Variants in SCGN observed in about 807,000 individuals in gnomAD.
The protein encoded by SCGN is secretagogin.
In SCGN, 30 loss-of-function variants were observed where a neutral mutation model predicts 39.7. The observed-to-expected ratio is 0.76, with a 90% CI of 0.57 to 1.03. The LOEUF (loss-of-function observed/expected upper bound fraction) is 1.03. Ranked by LOEUF, SCGN falls within the 50% of genes least tolerant of loss-of-function variation. SCGN has a pLI of 0.00. For synonymous variants in SCGN, 106 were observed against 114.1 expected (o/e 0.93, Z 0.45); for missense variants, 353 against 349.4 (o/e 1.01, Z -0.08).
In SCGN at chr6:25,701,255, C is replaced by T. The variant is rs573815729; in HGVS notation, c.751C>T (p.Arg251Cys). 5.6e-6 allele frequency: 9 copies of T among 1,613,482 alleles called. No individual in the cohort carries two copies. The highest frequency in any genetic ancestry group is 4.4e-5 in the South Asian group (4 of 90,928). Residue 251 changes from arginine to cysteine, a missense_variant, in exon 11 of 11, where the codon CGT (arginine) becomes TGT (cysteine). Transcript: ENST00000377961. ...TGATAAGTTCCGCGAGATTCTCCTG[C>T]GTCACTGCGACGTGAACAAGGATGG... ...DLDKFREILL[R>C]HCDVNKDGKI...
In SCGN at chr6:25,664,967, G is replaced by A; in HGVS notation, c.271G>A (p.Asp91Asn). 6.2e-7 allele frequency: 1 copy of A among 1,613,948 alleles called. No individual in the cohort carries two copies. Among genetic ancestry groups the A allele is most frequent in the Non-Finnish European group, 8.5e-7 (1 of 1,179,878 alleles). Reference sequence around the variant, plus strand: ...GCTTGCTGGTATGTTCTTATCTGAGGATGAAAACTTTCTTCTGCTCTTTCG... The same window carrying A: ...GCTTGCTGGTATGTTCTTATCTGAGAATGAAAACTTTCTTCTGCTCTTTCG... ...KELAGMFLSE[D>N]ENFLLLFRRE... Residue 91 changes from aspartate (D) to asparagine (N), a missense_variant, in exon 4 of 11, where the codon GAT (aspartate) becomes AAT (asparagine). By Grantham distance (23) the Asp-to-Asn change is conservative. Coordinates refer to ENST00000377961, the MANE Select transcript of SCGN (RefSeq NM_006998.4).
At chr6:25,653,331 C>T in intron 1 of SCGN, 51 bp from the exon 2 acceptor site, 1 of 1,167,204 alleles carries the variant, frequency 8.6e-7, no homozygotes. Context: ...TAAATACTGT[C>T]ATGTGTTTTT....
At chr6:25,698,066 C>A (rs1030937537) in intron 10 of SCGN, among the ~76,000 whole-genome samples, 1 of 152,174 alleles carries the variant, frequency 6.6e-6, no homozygotes, top group Non-Finnish European at 1.5e-5. Flanking sequence ...TTATATTAGT[C>A]ACTTGTTATA....
intron 7 of SCGN, 96 bp downstream of exon 7, chr6:25,682,102 C>T (rs1043890823): frequency 2.3e-6 from 2 of 879,572 alleles, no homozygotes; most frequent in Non-Finnish European, 3.7e-6. Context: ...GATCAAGCCT[C>T]ACCTGGAGTC....
intron 2 of SCGN, among the ~76,000 whole-genome samples, chr6:25,658,455 A>G (rs1001433841): frequency 2.0e-5 from 3 of 151,948 alleles, no homozygotes; most frequent in African/African-American, 7.3e-5. Context: ...TATTTTAATC[A>G]TTTTGGGTTT....
rs1019273757 is a variant in SCGN, at chr6:25,658,577, T to G, written c.154-2975T>G. On this transcript the variant is annotated intron_variant, in intron 2 of 10. Coordinates refer to ENST00000377961, the MANE Select transcript of SCGN (RefSeq NM_006998.4). ...AATCACAAATGCTACTGGTTTGGGTTTATAATTTTAAAGAATAGCTATACA... is the reference window on the plus strand; with the variant it reads ...AATCACAAATGCTACTGGTTTGGGTGTATAATTTTAAAGAATAGCTATACA... 3.7e-4 allele frequency among the ~76,000 whole-genome samples: 56 copies of G among 152,316 alleles called. 1 individual carries two copies. The highest frequency in any genetic ancestry group is 1.3e-3 in the African/African-American group (52 of 41,578).
At chr6:25,673,479 G>C (rs751666406) in intron 6 of SCGN, among the ~76,000 whole-genome samples, 1 of 152,166 alleles carries the variant, frequency 6.6e-6, no homozygotes, top group Non-Finnish European at 1.5e-5. Flanking sequence ...CTTACAATGG[G>C]ATGTCCTGAG....
chr6:25,664,094 G>C (rs184915370), intron 3 of SCGN, among the ~76,000 whole-genome samples: 1 of 152,256 alleles, frequency 6.6e-6, no homozygotes, highest in Admixed American at 6.5e-5. Flanking sequence ...AACTACATAG[G>C]GGAATAAGGT....
At chr6:25,688,567 C>A (rs1465068039) in intron 7 of SCGN, among the ~76,000 whole-genome samples, 2 of 152,062 alleles carry the variant, frequency 1.3e-5, no homozygotes, top group East Asian at 3.9e-4. Flanking sequence ...TTTGGGAGGC[C>A]GAGCCCGGCG....
At chr6:25,654,416 C>A (rs1444002331) in intron 2 of SCGN, among the ~76,000 whole-genome samples, 1 of 152,162 alleles carries the variant, frequency 6.6e-6, no homozygotes, top group East Asian at 1.9e-4. Flanking sequence ...CTTCTGTCTG[C>A]CTCTCATATT....
chr6:25,666,341 G>A (rs1760424984), intron 4 of SCGN, among the ~76,000 whole-genome samples: 1 of 152,006 alleles, frequency 6.6e-6, no homozygotes, highest in South Asian at 2.1e-4. Context: ...AGTGACAAGA[G>A]GGAAACTCGG....
chr6:25,678,542 C>A (rs1759594340), intron 6 of SCGN, among the ~76,000 whole-genome samples: 1 of 152,146 alleles, frequency 6.6e-6, no homozygotes, highest in Non-Finnish European at 1.5e-5. Flanking sequence ...TGATCCTGTG[C>A]AAGTCACCAC....
intron 2 of SCGN, among the ~76,000 whole-genome samples, chr6:25,653,946 A>G (rs1229609321): frequency 2.0e-5 from 3 of 152,238 alleles, no homozygotes; most frequent in African/African-American, 7.2e-5. Context: ...ACAAACCAGA[A>G]AACAACCAGC....
At chr6:25,680,172 A>C (rs1176705845) in intron 6 of SCGN, among the ~76,000 whole-genome samples, 1 of 152,246 alleles carries the variant, frequency 6.6e-6, no homozygotes, top group Non-Finnish European at 1.5e-5. Flanking sequence ...TGTCTCAAAC[A>C]AATATGCCAA....
intron 2 of SCGN, among the ~76,000 whole-genome samples, chr6:25,658,003 C>CTTT (rs759915721): frequency 2.0e-4 from 14 of 70,376 alleles, no homozygotes; most frequent in Non-Finnish European, 3.3e-4. Flanking sequence ...GAAAGGTATC[C>CTTT]TTTTTTTTTT....
intron 7 of SCGN, among the ~76,000 whole-genome samples, chr6:25,687,749 T>C (rs911756815): frequency 1.6e-4 from 24 of 152,170 alleles, no homozygotes; most frequent in African/African-American, 5.8e-4. Flanking sequence ...CTCTTTGTCT[T>C]AAGCTTTTTT....
intron 4 of SCGN, among the ~76,000 whole-genome samples, chr6:25,667,171 T>C (rs1760437818): frequency 6.6e-6 from 1 of 152,160 alleles, no homozygotes; most frequent in South Asian, 2.1e-4. Flanking sequence ...ATCATGAATA[T>C]AGAAAAATAG....
intron 6 of SCGN, among the ~76,000 whole-genome samples, chr6:25,674,475 A>G (rs1759540323): frequency 6.6e-6 from 1 of 152,200 alleles, no homozygotes; most frequent in South Asian, 2.1e-4. Flanking sequence ...TTAGAAAATG[A>G]CTTCTGCATC....
chr6:25,694,617 T>C (rs1349634941), intron 10 of SCGN, among the ~76,000 whole-genome samples: 1 of 152,248 alleles, frequency 6.6e-6, no homozygotes, highest in Non-Finnish European at 1.5e-5. Flanking sequence ...AAGGAATTTA[T>C]TGGGATTCTC....
Sources: gnomAD v4.1 joint callset for allele counts (sites outside exome capture counted in the v4.1 genomes callset) on GRCh38, gnomAD v4.1.1 for gene constraint, MANE v1.5 for transcripts, NCBI Gene and HGNC (gene_info 2026-07-23, HGNC 2026-07-21) for gene names.